Variants in GSDMC observed in about 807,000 individuals in gnomAD.
The protein encoded by GSDMC is gasdermin-C.
Under a neutral mutation model 58.0 loss-of-function variants are expected in GSDMC, and 59 were observed. That is an observed-to-expected ratio of 1.02 (90% confidence interval 0.82 to 1.26). The LOEUF (loss-of-function observed/expected upper bound fraction) is 1.26. Among genes scored for constraint, GSDMC ranks in the 50% most tolerant of loss-of-function variants. The pLI is 0.00. For missense variants in GSDMC, 659 were observed against 598.5 expected (o/e 1.10, Z -1.06); for synonymous variants, 241 against 220.2 (o/e 1.09, Z -0.83).
At chr8:129,784,628 C>T (rs947848760) in intron 1 of GSDMC, among the ~76,000 whole-genome samples, 1 of 152,156 alleles carries the variant, frequency 6.6e-6, no homozygotes, top group Non-Finnish European at 1.5e-5. Context: ...AAAAGGGAAA[C>T]TTGTACCCTG....
chr8:129,777,863 G>A (rs1436277163), intron 1 of GSDMC, among the ~76,000 whole-genome samples: 1 of 152,090 alleles, frequency 6.6e-6, no homozygotes, highest in African/African-American at 2.4e-5. Context: ...GGGATTATAG[G>A]CACACACCAT....
chr8:129,712,358 C>T, the GSDMC span, among the ~76,000 whole-genome samples: 1 of 152,150 alleles, frequency 6.6e-6, no homozygotes, highest in African/African-American at 2.4e-5. Flanking sequence ...TGAAATTAAA[C>T]ATTTCGTGCA....
chr8:129,781,818 G>C (rs1390686190), intron 1 of GSDMC, among the ~76,000 whole-genome samples: 1 of 151,212 alleles, frequency 6.6e-6, no homozygotes, highest in African/African-American at 2.4e-5. Context: ...CTCCCAGACA[G>C]AAAATCAACA....
At chr8:129,713,857 CCTGACTCAGGGGGGATTTATT>C in the GSDMC span, among the ~76,000 whole-genome samples, 6 of 152,000 alleles carry the variant, frequency 3.9e-5, no homozygotes, top group Non-Finnish European at 7.4e-5. Flanking sequence ...ATCTATTGCC[CCTGACTCAGGGGGGATTTATT>C]CTGACTAAGA....
At chr8:129,712,185 G>A in the GSDMC span, among the ~76,000 whole-genome samples, 1 of 152,220 alleles carries the variant, frequency 6.6e-6, no homozygotes, top group African/African-American at 2.4e-5. Flanking sequence ...AAAATGCATA[G>A]CAAAGTGTCT....
chr8:129,715,454 A>G, the GSDMC span, among the ~76,000 whole-genome samples: 1 of 152,208 alleles, frequency 6.6e-6, no homozygotes, highest in African/African-American at 2.4e-5. Context: ...TTGGAGAAAT[A>G]TTTCTCTAAA....
the GSDMC span, among the ~76,000 whole-genome samples, chr8:129,734,629 G>A: frequency 2.0e-5 from 3 of 152,180 alleles, no homozygotes; most frequent in Non-Finnish European, 2.9e-5. Context: ...CAAATGCTGA[G>A]AGATTTTGTC....
the GSDMC span, among the ~76,000 whole-genome samples, chr8:129,737,393 C>G: frequency 1.3e-5 from 2 of 152,182 alleles, no homozygotes; most frequent in African/African-American, 2.4e-5. Flanking sequence ...TCAAACTATA[C>G]TACAAGGCTA....
At chr8:129,733,257 A>G in the GSDMC span, among the ~76,000 whole-genome samples, 1 of 152,276 alleles carries the variant, frequency 6.6e-6, no homozygotes, top group Admixed American at 6.5e-5. Flanking sequence ...AAAAGGCAGC[A>G]GAAACTTCTG....
At chr8:129,721,729 A>G in the GSDMC span, among the ~76,000 whole-genome samples, 1 of 152,210 alleles carries the variant, frequency 6.6e-6, no homozygotes, top group East Asian at 1.9e-4. Flanking sequence ...CAGCACTCTC[A>G]GTCACTTTTT....
At chr8:129,737,553 T>C in the GSDMC span, among the ~76,000 whole-genome samples, 4 of 152,204 alleles carry the variant, frequency 2.6e-5, no homozygotes, top group East Asian at 1.9e-4. Flanking sequence ...GAATTCTCTA[T>C]TTAATAAATG....
intron 6 of GSDMC, among the ~76,000 whole-genome samples, chr8:129,753,531 G>A (rs1000779394): frequency 6.6e-6 from 1 of 152,224 alleles, no homozygotes; most frequent in African/African-American, 2.4e-5. Context: ...TGGGCTCTGA[G>A]ATGTGCTAAC....
the GSDMC span, among the ~76,000 whole-genome samples, chr8:129,727,420 G>T: frequency 1.3e-5 from 2 of 152,172 alleles, no homozygotes; most frequent in Non-Finnish European, 1.5e-5. Flanking sequence ...CCGGCAAACA[G>T]CCCCCATGAC....
chr8:129,781,746 T>G (rs1309240360), intron 1 of GSDMC, among the ~76,000 whole-genome samples: 1 of 88,620 alleles, frequency 1.1e-5, no homozygotes, highest in Non-Finnish European at 1.9e-5. Flanking sequence ...CGAGACTCCA[T>G]CTCAAAAAAA....
chr8:129,712,258 G>GTTTTATT, the GSDMC span, among the ~76,000 whole-genome samples: 2 of 152,202 alleles, frequency 1.3e-5, no homozygotes, highest in Non-Finnish European at 2.9e-5. Context: ...TACCTTAGAA[G>GTTTTATT]TTTTATTTTT....
At chr8:129,710,022 T>C in the GSDMC span, among the ~76,000 whole-genome samples, 1 of 152,268 alleles carries the variant, frequency 6.6e-6, no homozygotes, top group Non-Finnish European at 1.5e-5. Context: ...TTTAGCATTG[T>C]GCATGACACA....
Position 129,753,334 on chromosome 8 carries a change from A to G in GSDMC, c.722-514T>C, listed in dbSNP as rs184214745. 2.0e-5 allele frequency among the ~76,000 whole-genome samples: 3 copies of G among 152,312 alleles called. No homozygotes were observed. The East Asian group carries it at 5.8e-4, about 29-fold the overall frequency. ...GCCACAGTAGGACAGGAGACTGGGT[A>G]GAGTTGTGAGGCCCCCATTCCAAGC... On this transcript the variant is annotated intron_variant, in intron 6 of 13. Transcript: ENST00000276708.
At chr8:129,739,284 C>T in the GSDMC span, among the ~76,000 whole-genome samples, 3 of 152,046 alleles carry the variant, frequency 2.0e-5, no homozygotes, top group African/African-American at 4.8e-5. Flanking sequence ...AATTATGAAG[C>T]GATGGGGACA....
chr8:129,746,563 A>T (rs1023171233), downstream of GSDMC, among the ~76,000 whole-genome samples: 6 of 152,256 alleles, frequency 3.9e-5, no homozygotes, highest in Non-Finnish European at 7.3e-5. Flanking sequence ...GGAAAAAATG[A>T]ATCTGTAGCT....
Sources: allele counts gnomAD v4.1 joint callset (sites outside exome capture counted in the v4.1 genomes callset), GRCh38; gene constraint gnomAD v4.1.1; transcripts MANE v1.5; gene names NCBI Gene and HGNC (gene_info 2026-07-23, HGNC 2026-07-21).